Variants in WIPF3 observed in about 807,000 individuals in gnomAD.
WIPF3 encodes WAS/WASL-interacting protein family member 3.
In WIPF3, 33 loss-of-function variants were observed where a neutral mutation model predicts 38.9. The ratio of observed to expected loss-of-function variants is 0.85; its 90% confidence interval spans 0.64 to 1.14. WIPF3 has a LOEUF of 1.14. WIPF3 is among the 50% of genes most tolerant of loss of function. The pLI, the probability that WIPF3 is intolerant of heterozygous loss-of-function variation, is 0.00. For missense variants in WIPF3, 711 were observed against 652.5 expected, an observed-to-expected ratio of 1.09 and a Z score of -0.98; for synonymous variants, 324 against 269.3, an observed-to-expected ratio of 1.20 and a Z score of -1.99.
rs760468615 is a variant in WIPF3 at position 29,875,850 on chromosome 7, C to T, written c.111C>T (p.Ser37=). 4 of 1,614,050 alleles carry T rather than the reference C, an allele frequency of 2.5e-6. No individual in the cohort carries two copies. Among genetic ancestry groups the T allele is most frequent in the Non-Finnish European group, 3.4e-6 (4 of 1,179,878 alleles). ...TACAGGTAAGCACAGACACCTCCAG[C>T]TTGCGAAGGGCAGATCCGAAAGGCC... is the stretch of plus-strand genomic sequence containing the variant. The part of the protein sequence containing the change: ...SAPPVSTDTS[S]LRRADPKGRS... The change falls in exon 3 of 9, where the codon AGC becomes AGT. Residue 37 remains serine (S), a synonymous_variant. Transcript: ENST00000242140.
chr7:29,860,161 G>GT (rs1378337866), intron 2 of WIPF3, among the ~76,000 whole-genome samples: 3 of 152,158 alleles, frequency 2.0e-5, no homozygotes, highest in East Asian at 3.8e-4. Context: ...CAACATGAAA[G>GT]TTTGTAAGGA....
intron 7 of WIPF3, among the ~76,000 whole-genome samples, chr7:29,901,962 T>C (rs1418531649): frequency 6.6e-6 from 1 of 152,104 alleles, no homozygotes; most frequent in Admixed American, 6.5e-5. Flanking sequence ...CAGGAGACAT[T>C]TGGCAATGTC....
At chr7:29,875,383 G>T (rs796955747) in intron 2 of WIPF3, among the ~76,000 whole-genome samples, 1 of 152,080 alleles carries the variant, frequency 6.6e-6, no homozygotes, top group Non-Finnish European at 1.5e-5. Flanking sequence ...ACAGTCCAGG[G>T]GATGACAGGG....
chr7:29,884,160 G>T lies in WIPF3; in HGVS notation c.666G>T (p.Ala222=). Residue 222 remains alanine, a synonymous_variant, in exon 5 of 9, where the codon GCG becomes GCT. Transcript: ENST00000242140. ...TGGTTGCACCCCCCGTCCCCTGTGCGCCACCACCTCCACCTCCGCCACCTC... is the reference window on the plus strand; with the variant it reads ...TGGTTGCACCCCCCGTCCCCTGTGCTCCACCACCTCCACCTCCGCCACCTC... ...LPVVAPPVPC[A]PPPPPPPPPP... is the part of the protein sequence containing the mutation. 10 of 1,513,370 alleles carry T rather than the reference G, an allele frequency of 6.6e-6. No homozygotes were observed. The highest frequency in any genetic ancestry group is 8.0e-6 in the Non-Finnish European group (9 of 1,128,456). 93.7% of individuals were successfully genotyped at this position (1,513,370 alleles called of 1,614,324 possible).
At chr7:29,815,291 A>G (rs886240201) in intron 1 of WIPF3, among the ~76,000 whole-genome samples, 2 of 152,214 alleles carry the variant, frequency 1.3e-5, no homozygotes, top group East Asian at 1.9e-4. Flanking sequence ...CTGAGTTTCA[A>G]ATTCCCTTTC....
intron 2 of WIPF3, among the ~76,000 whole-genome samples, chr7:29,870,507 T>A (rs764830247): frequency 6.6e-5 from 10 of 151,862 alleles, no homozygotes; most frequent in Admixed American, 2.0e-4. Context: ...AAGGGATGAG[T>A]ATGAGGTGAC....
At chr7:29,854,943 T>G (rs1562778473) in intron 2 of WIPF3, among the ~76,000 whole-genome samples, 1 of 152,208 alleles carries the variant, frequency 6.6e-6, no homozygotes. Flanking sequence ...ACCTTGGTCT[T>G]GACCTTCTAA....
chr7:29,837,621 T>C (rs549202265), intron 2 of WIPF3, among the ~76,000 whole-genome samples: 5 of 152,316 alleles, frequency 3.3e-5, no homozygotes, highest in African/African-American at 9.6e-5. Context: ...AGGAGTAAAA[T>C]AATCATGTAA....
chr7:29,849,386 G>T (rs1380183213), intron 2 of WIPF3, among the ~76,000 whole-genome samples: 2 of 152,168 alleles, frequency 1.3e-5, no homozygotes, highest in Non-Finnish European at 2.9e-5. Context: ...ACAATATTTT[G>T]TGAAACTGTT....
At chr7:29,864,372 C>T (rs1202952265) in intron 2 of WIPF3, among the ~76,000 whole-genome samples, 1 of 151,826 alleles carries the variant, frequency 6.6e-6, no homozygotes, top group Non-Finnish European at 1.5e-5. Context: ...CAGAATAAAC[C>T]CCACTTAGTG....
chr7:29,890,949 G>GAA (rs2128077934), intron 7 of WIPF3, among the ~76,000 whole-genome samples: 1 of 113,714 alleles, frequency 8.8e-6, no homozygotes, highest in Non-Finnish European at 1.8e-5. Context: ...GGTGGAGGGG[G>GAA]CGCGGGCCTG....
chr7:29,851,667 C>G (rs1785099916), intron 2 of WIPF3, among the ~76,000 whole-genome samples: 1 of 152,236 alleles, frequency 6.6e-6, no homozygotes. Context: ...TTCTTTCCTG[C>G]TGTTGGCACA....
chr7:29,851,222 G>T (rs917349524), intron 2 of WIPF3, among the ~76,000 whole-genome samples: 5 of 152,172 alleles, frequency 3.3e-5, no homozygotes, highest in Non-Finnish European at 5.9e-5. Flanking sequence ...GAGACTGGAG[G>T]TGGGGGACGG....
chr7:29,883,735 G>A, intron 4 of WIPF3, 115 bp from the exon 5 acceptor site: 2 of 1,372,576 alleles, frequency 1.5e-6, no homozygotes. Context: ...TGCAGAAAAA[G>A]CGGTCTACAG....
chr7:29,844,117 T>TA lies in WIPF3; in HGVS notation c.90+9303_90+9304insA, dbSNP rs2128067327. Among the ~76,000 whole-genome samples the TA allele has an allele frequency of 6.6e-6, 1 of 152,302 alleles. No individual in the cohort carries two copies. Among genetic ancestry groups the TA allele is most frequent in the East Asian group, 1.9e-4 (1 of 5,146 alleles). ...CCCAATTACGTAAAAGAAAACTGTG[T>TA]GTGCACAGGCTTGCCTATGCACTCT... On this transcript the variant is annotated intron_variant, in intron 2 of 8. Coordinates refer to ENST00000242140, the MANE Select transcript of WIPF3 (RefSeq NM_001080529.3). The surrounding 1 kb of genome is among the most constrained non-coding windows in gnomAD (Gnocchi z 4.8).
intron 1 of WIPF3, among the ~76,000 whole-genome samples, chr7:29,828,259 C>CT (rs1340409457): frequency 1.3e-5 from 2 of 152,182 alleles, no homozygotes; most frequent in Admixed American, 6.5e-5. Flanking sequence ...TACATGAGTT[C>CT]TTTCTTTCTG....
chr7:29,856,915 C>G (rs1785194865), intron 2 of WIPF3, among the ~76,000 whole-genome samples: 1 of 152,178 alleles, frequency 6.6e-6, no homozygotes, highest in Non-Finnish European at 1.5e-5. Flanking sequence ...ACAAGTTACT[C>G]TAATGTCTAT....
At chr7:29,857,685 C>A (rs915067765) in intron 2 of WIPF3, among the ~76,000 whole-genome samples, 1 of 152,122 alleles carries the variant, frequency 6.6e-6, no homozygotes, top group Non-Finnish European at 1.5e-5. Context: ...ATGTTGATGA[C>A]TGTGGAGCTT....
intron 2 of WIPF3, among the ~76,000 whole-genome samples, chr7:29,848,639 C>A (rs1200287352): frequency 6.6e-6 from 1 of 152,154 alleles, no homozygotes; most frequent in Non-Finnish European, 1.5e-5. Context: ...TATAAAGGAA[C>A]TGTAGATAAT....
Sources: gnomAD v4.1 joint callset for allele counts (sites outside exome capture counted in the v4.1 genomes callset) on GRCh38, gnomAD v4.1.1 for gene constraint, Gnocchi (gnomAD v3.1) non-coding constraint, MANE v1.5 for transcripts, NCBI Gene and HGNC (gene_info 2026-07-23, HGNC 2026-07-21) for gene names.